PPP3CA: variants seen among roughly 807,000 people sequenced by gnomAD.
The protein encoded by PPP3CA is protein phosphatase 3 catalytic subunit alpha, also known as CAM-PRP catalytic subunit.
Under a neutral mutation model 66.5 loss-of-function variants are expected in PPP3CA, and 14 were observed. The observed-to-expected ratio is 0.21, with a 90% CI of 0.14 to 0.33. PPP3CA has a LOEUF of 0.33. Among genes scored for constraint, PPP3CA ranks in the 10% least tolerant of loss-of-function variants. The pLI is 1.00. For synonymous variants in PPP3CA, 232 were observed against 226.2 expected (o/e 1.03, Z -0.23); for missense variants, 317 against 639.5 (o/e 0.50, Z 5.44).
chr4:101,199,357 T>C (rs1724899440), intron 1 of PPP3CA, among the ~76,000 whole-genome samples: 1 of 152,126 alleles, frequency 6.6e-6, no homozygotes, highest in South Asian at 2.1e-4. Flanking sequence ...TACAACAAGT[T>C]GCTTTCATTG....
chr4:101,126,696 G>A (rs77799490), intron 2 of PPP3CA, among the ~76,000 whole-genome samples: 2,003 of 152,116 alleles, frequency 0.013, 39 homozygotes, highest in African/African-American at 0.045. Flanking sequence ...TAAAGCTCTC[G>A]AGATGAGACA....
intron 10 of PPP3CA, among the ~76,000 whole-genome samples, chr4:101,049,102 T>C (rs944408641): frequency 2.0e-5 from 3 of 152,180 alleles, no homozygotes; most frequent in Non-Finnish European, 4.4e-5. Context: ...ACTGTCATTA[T>C]TTGGTTATTT....
intron 6 of PPP3CA, among the ~76,000 whole-genome samples, chr4:101,093,415 T>TA (rs1041585368): frequency 1.3e-5 from 2 of 152,004 alleles, no homozygotes; most frequent in African/African-American, 4.8e-5. Flanking sequence ...TGTTTTTTTT[T>TA]TTTTAGATAC....
At position 101,276,787 on chromosome 4, in the gene PPP3CA, T is replaced by G. The variant is rs554485086; in HGVS notation, c.58+69952A>C. ...AAGTACAGAGTTCCCATTTACCCCT[T>G]TACCTCCCACACAGTTTCCCCTATG... On this transcript the variant is annotated intron_variant, in intron 1 of 13. Coordinates refer to ENST00000394854, the MANE Select transcript of PPP3CA (RefSeq NM_000944.5). 2.6e-5 allele frequency among the ~76,000 whole-genome samples: 4 copies of G among 152,310 alleles called. No homozygotes were observed. In the East Asian group the frequency reaches 7.7e-4, roughly 29 times the overall value.
intron 1 of PPP3CA, among the ~76,000 whole-genome samples, chr4:101,263,993 T>A (rs1727089341): frequency 6.6e-6 from 1 of 152,204 alleles, no homozygotes; most frequent in African/African-American, 2.4e-5. Flanking sequence ...TAATAATTAC[T>A]GGGAAGAGTC....
At chr4:101,261,873 G>T (rs1727020572) in intron 1 of PPP3CA, among the ~76,000 whole-genome samples, 1 of 150,398 alleles carries the variant, frequency 6.6e-6, no homozygotes, top group Non-Finnish European at 1.5e-5. Context: ...CAAAAAAAAA[G>T]CTATCAAAAG....
intron 1 of PPP3CA, among the ~76,000 whole-genome samples, chr4:101,301,271 T>C (rs1728367128): frequency 6.6e-6 from 1 of 151,704 alleles, no homozygotes; most frequent in Non-Finnish European, 1.5e-5. Context: ...AAAATTCAAT[T>C]GATTTAATGT....
intron 12 of PPP3CA, 50 bp from the exon 13 acceptor site, chr4:101,029,245 A>G: frequency 2.0e-6 from 3 of 1,494,766 alleles, no homozygotes; most frequent in Non-Finnish European, 2.8e-6. Flanking sequence ...TGAGCAGAGG[A>G]TTTTTTAACT....
rs184402437 is a variant in PPP3CA, at chr4:101,109,388, C to T, written c.260-310G>A. 1.5e-4 allele frequency among the ~76,000 whole-genome samples: 22 copies of T among 148,224 alleles called. No individual in the cohort carries two copies. In the East Asian group the frequency reaches 3.4e-3, roughly 23 times the overall value. ...GTGCACTTAAAAATTCTTTATGAGA[C>T]GCTGCCAGGATGTTTACACACATTT... On this transcript the variant is annotated intron_variant, in intron 2 of 13. Transcript: ENST00000394854.
intron 1 of PPP3CA, among the ~76,000 whole-genome samples, chr4:101,333,313 G>T (rs35052983): frequency 3.4e-5 from 2 of 57,984 alleles, no homozygotes; most frequent in African/African-American, 5.0e-5. Flanking sequence ...TTTTTTTGTA[G>T]AGATGAGGTC....
At chr4:101,240,011 C>G (rs1382024269) in intron 1 of PPP3CA, among the ~76,000 whole-genome samples, 1 of 127,178 alleles carries the variant, frequency 7.9e-6, no homozygotes, top group African/African-American at 3.3e-5. Context: ...CCTACAGTGA[C>G]TAGTTTTTAA....
chr4:101,187,435 T>C (rs1399230808), intron 2 of PPP3CA, among the ~76,000 whole-genome samples: 1 of 152,148 alleles, frequency 6.6e-6, no homozygotes, highest in African/African-American at 2.4e-5. Flanking sequence ...TTTTAACATT[T>C]CCTCAATTCA....
intron 2 of PPP3CA, among the ~76,000 whole-genome samples, chr4:101,156,346 A>C (rs1723318560): frequency 6.6e-6 from 1 of 152,194 alleles, no homozygotes; most frequent in Non-Finnish European, 1.5e-5. Flanking sequence ...TTTGAAAGCT[A>C]TTCTAAAACA....
At chr4:101,334,407 T>C (rs1195400627) in intron 1 of PPP3CA, among the ~76,000 whole-genome samples, 1 of 152,088 alleles carries the variant, frequency 6.6e-6, no homozygotes, top group Non-Finnish European at 1.5e-5. Flanking sequence ...GTGCTGGAAT[T>C]ACAAGTGTGA....
chr4:101,336,293 G>A (rs1264933443), intron 1 of PPP3CA, among the ~76,000 whole-genome samples: 2 of 151,566 alleles, frequency 1.3e-5, no homozygotes, highest in Admixed American at 6.6e-5. Context: ...AAAGCTGGCC[G>A]GCCGCAGTGG....
rs544871787 is a variant in PPP3CA at position 101,131,099 on chromosome 4, T to C, written c.260-22021A>G. Among the ~76,000 whole-genome samples, 7 of 151,884 alleles carry C rather than the reference T, an allele frequency of 4.6e-5. No homozygotes were observed. The East Asian group carries it at 1.4e-3, about 30-fold the overall frequency. ...TAAGAACGCAAATATTAGTGGGGCA[T>C]GGTGGTGGGGGCCTATATTCCCAGC... On this transcript the variant is annotated intron_variant, in intron 2 of 13. Coordinates refer to ENST00000394854, the MANE Select transcript of PPP3CA (RefSeq NM_000944.5).
At chr4:101,132,828 G>C (rs1272211672) in intron 2 of PPP3CA, among the ~76,000 whole-genome samples, 2 of 152,030 alleles carry the variant, frequency 1.3e-5, no homozygotes, top group African/African-American at 2.4e-5. Flanking sequence ...ATCCCTGATG[G>C]ACATCTATTC....
chr4:101,180,788 C>T (rs1376578097), intron 2 of PPP3CA, among the ~76,000 whole-genome samples: 1 of 152,078 alleles, frequency 6.6e-6, no homozygotes, highest in East Asian at 1.9e-4. Flanking sequence ...AATCCCAGCA[C>T]TTTGGGGGGC....
intron 1 of PPP3CA, among the ~76,000 whole-genome samples, chr4:101,248,304 G>C (rs1726555493): frequency 6.6e-6 from 1 of 152,134 alleles, no homozygotes; most frequent in Non-Finnish European, 1.5e-5. Flanking sequence ...TAAATTTCTA[G>C]ATTAGAATTC....
Sources: gnomAD v4.1 joint callset for allele counts (sites outside exome capture counted in the v4.1 genomes callset) on GRCh38, gnomAD v4.1.1 for gene constraint, MANE v1.5 for transcripts, NCBI Gene and HGNC (gene_info 2026-07-23, HGNC 2026-07-21) for gene names.